Variants in NELL1 observed in about 807,000 individuals in gnomAD.
NELL1 encodes the protein protein kinase C-binding protein NELL1.
In NELL1, 76 loss-of-function variants were observed where a neutral mutation model predicts 107.4. The observed-to-expected ratio is 0.71, with a 90% CI of 0.59 to 0.86. The LOEUF is 0.86. Ranked by LOEUF, NELL1 falls within the 40% of genes least tolerant of loss-of-function variation. The probability of loss-of-function intolerance (pLI) is 0.00; values close to 1 mark genes in which losing one functional copy is unlikely to be tolerated. For missense variants in NELL1, 1,024 were observed against 1,005.5 expected, an observed-to-expected ratio of 1.02 and a Z score of -0.25; for synonymous variants, 353 against 341.2, an observed-to-expected ratio of 1.03 and a Z score of -0.38.
chr11:20,753,419 A>G (rs1333303539), intron 2 of NELL1, among the ~76,000 whole-genome samples: 1 of 96,824 alleles, frequency 1.0e-5, no homozygotes, highest in South Asian at 4.8e-4. Context: ...GAATACACTC[A>G]TATGTCATAT....
chr11:21,462,010 A>T (rs1461952628), intron 15 of NELL1, among the ~76,000 whole-genome samples: 1 of 152,102 alleles, frequency 6.6e-6, no homozygotes, highest in Non-Finnish European at 1.5e-5. Context: ...GAGAAGTCTG[A>T]AGCATTTTTC....
In NELL1 at chr11:20,669,678, C is replaced by T; in HGVS notation, c.-46C>T. ...CCTCAGGATCCAGGCTCATTTGCTT[C>T]CACCTAGCTTCGGTGCCCCCTGCTA... On this transcript the variant is annotated 5_prime_UTR_variant, in exon 1 of 20. Coordinates refer to ENST00000357134, the MANE Select transcript of NELL1 (RefSeq NM_006157.5). This position sits in a 1 kb window ranked among gnomAD's most constrained non-coding sequence, Gnocchi z 4.4. 1 of 1,556,220 alleles carries T rather than the reference C, an allele frequency of 6.4e-7. No individual in the cohort carries two copies. Among genetic ancestry groups the T allele is most frequent in the Non-Finnish European group, 8.9e-7 (1 of 1,128,294 alleles).
At chr11:21,262,827 G>A (rs1848559988) in intron 14 of NELL1, among the ~76,000 whole-genome samples, 1 of 151,734 alleles carries the variant, frequency 6.6e-6, no homozygotes, top group Non-Finnish European at 1.5e-5. Flanking sequence ...GATATCTTTG[G>A]TGACTTCTCC....
intron 14 of NELL1, among the ~76,000 whole-genome samples, chr11:21,320,010 T>C (rs1849973861): frequency 6.6e-6 from 1 of 150,898 alleles, no homozygotes; most frequent in Non-Finnish European, 1.5e-5. Context: ...AGTATAGGAA[T>C]TGGGGATATA....
At chr11:21,241,904 A>ATT (rs10652603) in intron 14 of NELL1, among the ~76,000 whole-genome samples, 9,214 of 134,084 alleles carry the variant, frequency 0.069, 587 homozygotes, top group East Asian at 0.27. Flanking sequence ...GTCTGTTTCT[A>ATT]TTTTTTTTTT....
chr11:21,019,461 G>T (rs1387217654), intron 12 of NELL1, among the ~76,000 whole-genome samples: 1 of 152,058 alleles, frequency 6.6e-6, no homozygotes, highest in Non-Finnish European at 1.5e-5. Context: ...GAGTCATTCT[G>T]CACTCTGCGA....
At chr11:20,848,783 A>G (rs1382817979) in intron 4 of NELL1, among the ~76,000 whole-genome samples, 1 of 152,088 alleles carries the variant, frequency 6.6e-6, no homozygotes, top group Non-Finnish European at 1.5e-5. Flanking sequence ...TATGCCTGCC[A>G]CTCTAGCTCT....
intron 15 of NELL1, among the ~76,000 whole-genome samples, chr11:21,378,376 C>T (rs1421560425): frequency 1.3e-5 from 2 of 151,356 alleles, no homozygotes; most frequent in Admixed American, 6.6e-5. Flanking sequence ...ATCTCTTGAA[C>T]ATTTTTAGAA....
chr11:21,146,778 C>G (rs1486002335), intron 13 of NELL1, among the ~76,000 whole-genome samples: 1 of 150,528 alleles, frequency 6.6e-6, no homozygotes, highest in Non-Finnish European at 1.5e-5. Flanking sequence ...TGCGGTGACT[C>G]ATGCCTGTAA....
At chr11:20,951,497 A>G (rs1424846806) in intron 11 of NELL1, among the ~76,000 whole-genome samples, 1 of 152,190 alleles carries the variant, frequency 6.6e-6, no homozygotes, top group Non-Finnish European at 1.5e-5. Context: ...CTGTATCAAC[A>G]AACTGGTCTC....
Position 21,357,120 on chromosome 11 carries a change from G to A in NELL1, c.1550-13733G>A, listed in dbSNP as rs115038066. 1.2e-3 allele frequency among the ~76,000 whole-genome samples: 183 copies of A among 152,258 alleles called. 1 individual carries two copies. Among genetic ancestry groups the A allele is most frequent in the African/African-American group, 4.2e-3 (174 of 41,520 alleles). ...ATTGTGCTGCTCTAAACATGTGTGC[G>A]CAGGTGTCTTTTTCATAAAGTGACT... On this transcript the variant is annotated intron_variant, in intron 14 of 19. Coordinates refer to ENST00000357134, the MANE Select transcript of NELL1 (RefSeq NM_006157.5).
intron 12 of NELL1, among the ~76,000 whole-genome samples, chr11:20,970,590 A>C (rs1851479000): frequency 6.6e-6 from 1 of 152,182 alleles, no homozygotes; most frequent in Non-Finnish European, 1.5e-5. Context: ...GTGACATTTG[A>C]ACGGAGTTCT....
intron 2 of NELL1, among the ~76,000 whole-genome samples, chr11:20,697,114 T>C (rs1486453301): frequency 6.6e-6 from 1 of 152,114 alleles, no homozygotes; most frequent in Non-Finnish European, 1.5e-5. Context: ...AGCAACAAAT[T>C]AGCGATGGTG....
intron 12 of NELL1, among the ~76,000 whole-genome samples, chr11:21,060,375 C>T (rs1853710575): frequency 1.3e-5 from 2 of 152,228 alleles, no homozygotes; most frequent in Non-Finnish European, 2.9e-5. Context: ...CACTTAAAAA[C>T]GTTAGCTGTT....
chr11:21,398,806 G>T (rs1295565017), intron 15 of NELL1, among the ~76,000 whole-genome samples: 1 of 151,650 alleles, frequency 6.6e-6, no homozygotes, highest in South Asian at 2.1e-4. Context: ...GATTTAAAAG[G>T]TTATTTCTAT....
chr11:21,496,405 C>CT (rs1206711700), intron 15 of NELL1, among the ~76,000 whole-genome samples: 4 of 141,256 alleles, frequency 2.8e-5, no homozygotes, highest in Admixed American at 1.4e-4. Flanking sequence ...TTATTCTTCT[C>CT]TTGTTTTTTT....
chr11:21,132,727 C>G (rs976611652), intron 13 of NELL1, among the ~76,000 whole-genome samples: 1 of 152,048 alleles, frequency 6.6e-6, no homozygotes, highest in East Asian at 1.9e-4. Context: ...AATCTGGGCT[C>G]CCTGAAGGGT....
intron 2 of NELL1, among the ~76,000 whole-genome samples, chr11:20,732,086 G>T (rs1406114611): frequency 1.3e-5 from 2 of 152,028 alleles, no homozygotes; most frequent in African/African-American, 4.8e-5. Flanking sequence ...GCTTGTTCAG[G>T]GTTTTGGAGT....
intron 2 of NELL1, among the ~76,000 whole-genome samples, chr11:20,719,844 TACTC>T (rs746839106): frequency 6.6e-6 from 1 of 152,206 alleles, no homozygotes; most frequent in Non-Finnish European, 1.5e-5. Flanking sequence ...CCAGGAACCA[TACTC>T]ACAATTAATT....
Sources: allele counts gnomAD v4.1 joint callset (sites outside exome capture counted in the v4.1 genomes callset), GRCh38; gene constraint gnomAD v4.1.1; non-coding constraint Gnocchi (gnomAD v3.1); transcripts MANE v1.5; gene names NCBI Gene and HGNC (gene_info 2026-07-23, HGNC 2026-07-21).